The following CEP63 variants were observed in gnomAD, a reference collection of about 807,000 sequenced individuals.
The protein encoded by CEP63 is centrosomal protein 63, also known as centrosomal protein of 63 kDa.
Under a neutral mutation model 89.1 loss-of-function variants are expected in CEP63, and 84 were observed. The ratio of observed to expected loss-of-function variants is 0.94; its 90% confidence interval spans 0.79 to 1.13. CEP63 has a LOEUF of 1.13. CEP63 is among the 50% of genes most tolerant of loss of function. The pLI is 0.00. For synonymous variants in CEP63, 267 were observed against 272.5 expected (o/e 0.98, Z 0.20); for missense variants, 838 against 813.3 (o/e 1.03, Z -0.37).
At chr3:134,531,401 G>A (rs1433913314) in intron 3 of CEP63, among the ~76,000 whole-genome samples, 1 of 152,014 alleles carries the variant, frequency 6.6e-6, no homozygotes, top group African/African-American at 2.4e-5. Context: ...TGGCCAAGAT[G>A]GGGAAACCCT....
the CEP63 span, among the ~76,000 whole-genome samples, chr3:134,731,193 T>C: frequency 6.6e-6 from 1 of 152,180 alleles, no homozygotes; most frequent in African/African-American, 2.4e-5. Context: ...GACATCCCTC[T>C]CTCAGTAGTT....
chr3:134,673,138 G>T, the CEP63 span, among the ~76,000 whole-genome samples: 3 of 152,064 alleles, frequency 2.0e-5, no homozygotes, highest in African/African-American at 7.2e-5. Context: ...AGTAAATTTT[G>T]TGCCTTTGTT....
the CEP63 span, among the ~76,000 whole-genome samples, chr3:134,767,473 T>C: frequency 2.4e-4 from 36 of 152,332 alleles, no homozygotes; most frequent in African/African-American, 8.7e-4. Context: ...GATTCCAGAC[T>C]AGCAGGTCTC....
intron 3 of CEP63, among the ~76,000 whole-genome samples, chr3:134,531,290 GAGAC>G (rs1559957241): frequency 2.0e-5 from 3 of 152,074 alleles, no homozygotes; most frequent in Non-Finnish European, 4.4e-5. Context: ...ATCAGACAGA[GAGAC>G]ACAGTTTCGG....
intron 2 of CEP63, among the ~76,000 whole-genome samples, chr3:134,496,058 A>G (rs1939797697): frequency 6.6e-6 from 1 of 152,198 alleles, no homozygotes; most frequent in Admixed American, 6.5e-5. Context: ...TCCCTTTCAC[A>G]TACTGATTTC....
At chr3:134,543,313 A>G (rs1038386324) in intron 6 of CEP63, among the ~76,000 whole-genome samples, 3 of 152,194 alleles carry the variant, frequency 2.0e-5, no homozygotes, top group Non-Finnish European at 2.9e-5. Context: ...CAGTTGTGCA[A>G]TATCCGCGTG....
At chr3:134,685,745 G>A in the CEP63 span, among the ~76,000 whole-genome samples, 1 of 152,188 alleles carries the variant, frequency 6.6e-6, no homozygotes, top group Non-Finnish European at 1.5e-5. Context: ...CCTCTGTCTA[G>A]TCTCTCCATC....
At chr3:134,616,647 G>A in the CEP63 span, among the ~76,000 whole-genome samples, 3 of 152,182 alleles carry the variant, frequency 2.0e-5, no homozygotes, top group African/African-American at 2.4e-5. Flanking sequence ...GATGCAAAAT[G>A]TTAGGGAGAG....
At chr3:134,593,275 T>C in the CEP63 span, among the ~76,000 whole-genome samples, 9 of 152,236 alleles carry the variant, frequency 5.9e-5, no homozygotes, top group Admixed American at 5.9e-4. Context: ...TGATGACTGA[T>C]GCATCGTGAT....
At chr3:134,779,601 C>G in the CEP63 span, 1 of 152,220 alleles carries the variant, frequency 6.6e-6, no homozygotes, top group African/African-American at 2.4e-5. Context: ...TTCCCAGCCT[C>G]CCTTTTAGTT....
At chr3:134,651,429 A>G in the CEP63 span, 1 of 1,079,724 alleles carries the variant, frequency 9.3e-7, no homozygotes, top group Non-Finnish European at 1.1e-6. Flanking sequence ...CAGAAATCGC[A>G]CAGTGCTGTC....
the CEP63 span, among the ~76,000 whole-genome samples, chr3:134,609,640 G>A: frequency 6.6e-6 from 1 of 152,194 alleles, no homozygotes; most frequent in African/African-American, 2.4e-5. Context: ...GGACAGAAAT[G>A]CTCCAGTCCT....
chr3:134,781,719 C>T, the CEP63 span, among the ~76,000 whole-genome samples: 1 of 152,336 alleles, frequency 6.6e-6, no homozygotes, highest in Non-Finnish European at 1.5e-5. Flanking sequence ...TTTAAGAAAG[C>T]AACAGATTTT....
At chr3:134,568,360 GA>G (rs1957872217), downstream of CEP63, among the ~76,000 whole-genome samples, 1 of 152,204 alleles carries the variant, frequency 6.6e-6, no homozygotes, top group Non-Finnish European at 1.5e-5. Context: ...AACAAGACCG[GA>G]AGTGTTATCT....
intron 2 of CEP63, among the ~76,000 whole-genome samples, chr3:134,502,900 A>T (rs541791235): frequency 1.3e-5 from 2 of 151,826 alleles, no homozygotes; most frequent in Non-Finnish European, 2.9e-5. Flanking sequence ...TTAACTTGAG[A>T]TCTTAATGTA....
chr3:134,722,203 T>C, the CEP63 span, among the ~76,000 whole-genome samples: 1 of 152,118 alleles, frequency 6.6e-6, no homozygotes, highest in Admixed American at 6.6e-5. Context: ...GTCTTGGAGA[T>C]GTGCATCTTT....
At chr3:134,678,422 G>A in the CEP63 span, among the ~76,000 whole-genome samples, 1 of 152,158 alleles carries the variant, frequency 6.6e-6, no homozygotes, top group South Asian at 2.1e-4. Flanking sequence ...GTTTAAATAG[G>A]CTTCACATCT....
intron 3 of CEP63, 83 bp from the exon 4 acceptor site, chr3:134,531,762 C>A (rs1949897227): frequency 3.9e-6 from 4 of 1,028,240 alleles, no homozygotes; most frequent in Non-Finnish European, 6.1e-6. Context: ...CAAATAAATA[C>A]AGAGATTATT....
At chr3:134,601,379 A>G in the CEP63 span, among the ~76,000 whole-genome samples, 2 of 152,166 alleles carry the variant, frequency 1.3e-5, no homozygotes, top group Non-Finnish European at 2.9e-5. Context: ...TGTATTGATT[A>G]ATTATATTGC....
Sources: gnomAD v4.1 joint callset for allele counts (sites outside exome capture counted in the v4.1 genomes callset) on GRCh38, gnomAD v4.1.1 for gene constraint, MANE v1.5 for transcripts, NCBI Gene and HGNC (gene_info 2026-07-23, HGNC 2026-07-21) for gene names.